The following APP variants were observed in gnomAD, a reference collection of about 807,000 sequenced individuals.
APP encodes amyloid-beta precursor protein.
In APP, 31 loss-of-function variants were observed where a neutral mutation model predicts 101.4. The observed-to-expected ratio is 0.31, with a 90% CI of 0.23 to 0.41. The LOEUF is 0.41. Ranked by LOEUF, APP falls within the 10% of genes least tolerant of loss-of-function variation. The pLI is 1.00. For synonymous variants in APP, 366 were observed against 364.4 expected, an observed-to-expected ratio of 1.00 and a Z score of -0.05; for missense variants, 839 against 1,003.7, an observed-to-expected ratio of 0.84 and a Z score of 2.22.
chr21:26,082,638 C>A (rs757094717), intron 3 of APP, among the ~76,000 whole-genome samples: 1 of 152,146 alleles, frequency 6.6e-6, no homozygotes, highest in African/African-American at 2.4e-5. Flanking sequence ...GACCCTCTGT[C>A]TGAATACCTA....
At chr21:25,933,424 T>C (rs1164634418) in intron 13 of APP, among the ~76,000 whole-genome samples, 5 of 152,224 alleles carry the variant, frequency 3.3e-5, no homozygotes, top group Admixed American at 2.6e-4. Flanking sequence ...CGCTAGAAAC[T>C]TTCAAATTAG....
chr21:26,016,948 GGGCGGGGGGT>G (rs2044106111), intron 6 of APP, among the ~76,000 whole-genome samples: 8 of 21,264 alleles, frequency 3.8e-4, no homozygotes, highest in African/African-American at 8.9e-4. Flanking sequence ...GGGGGGCGGG[GGGCGGGGGGT>G]GCCGCCAAGG....
intron 6 of APP, 99 bp from the exon 7 acceptor site, chr21:26,000,281 A>G: frequency 6.8e-7 from 1 of 1,467,026 alleles, no homozygotes; most frequent in Non-Finnish European, 9.4e-7. Flanking sequence ...CCCAGTGGCA[A>G]CCTGGACTGG....
rs79392524 is a variant in APP, at chr21:25,913,531, T to C, written c.1688-1569A>G. Among the ~76,000 whole-genome samples the C allele has an allele frequency of 9.4e-4, 143 of 152,340 alleles. 1 individual carries two copies. In the East Asian group the frequency reaches 0.024, roughly 25 times the overall value. ...TGAGCATTTCTTTTATATAAATCTT[T>C]TGCTTGTGACTGTTAAGCACTTACT... On this transcript the variant is annotated intron_variant, in intron 13 of 17. Transcript: ENST00000346798.
rs45484196 is a variant in APP, at chr21:26,053,185, G to A, written c.468+51C>T. On this transcript the variant is annotated intron_variant, in intron 4 of 17. Coordinates refer to ENST00000346798, the MANE Select transcript of APP (RefSeq NM_000484.4). The stretch of plus-strand genomic sequence containing the variant: ...ATACCCCTAAAATGCCATTAAGCAC[G>A]TCCCCAGGAAATCTTCACTTTGCAA... 7,849 of 1,349,534 alleles carry A rather than the reference G, an allele frequency of 5.8e-3. 41 individuals carry two copies. The highest frequency in any genetic ancestry group is 7.5e-3 in the Non-Finnish European group (7,043 of 939,258). 83.6% of individuals were successfully genotyped at this position (1,349,534 alleles called of 1,614,324 possible).
intron 11 of APP, among the ~76,000 whole-genome samples, chr21:25,959,173 G>A (rs1389038468): frequency 6.6e-6 from 1 of 152,208 alleles, no homozygotes; most frequent in Admixed American, 6.5e-5. Context: ...CGTGGCTCAC[G>A]CCTGTAATCC....
intron 15 of APP, 30 bp from the exon 16 acceptor site, chr21:25,897,703 G>A (rs200545918): frequency 1.2e-5 from 18 of 1,555,076 alleles, no homozygotes; most frequent in Non-Finnish European, 1.6e-5. Flanking sequence ...AAGTATGCAG[G>A]ACAACCAATT....
chr21:25,900,987 CAAAAAA>C lies in APP; in HGVS notation c.1964-3320_1964-3315del, dbSNP rs71183520. Among the ~76,000 whole-genome samples the C allele has an allele frequency of 3.1e-4, 37 of 118,566 alleles. 1 individual carries two copies. Among genetic ancestry groups the C allele is most frequent in the African/African-American group, 9.9e-4 (21 of 21,292 alleles). The allele number at this position is 118,566 out of a possible 152,430, so 77.8% of individuals were successfully genotyped here. The stretch of plus-strand genomic sequence containing the variant: ...TGGGCGACAGAGTGAGACTCCATCT[CAAAAAA>C]AAAAAAAAAAAGAATGAGCTCTCGG... On this transcript the variant is annotated intron_variant, in intron 15 of 17. Transcript: ENST00000346798.
At chr21:25,906,837 C>T (rs535071461) in intron 14 of APP, among the ~76,000 whole-genome samples, 27 of 151,880 alleles carry the variant, frequency 1.8e-4, no homozygotes, top group African/African-American at 6.3e-4. Context: ...AGGGCAAACG[C>T]GTACCTTGAA....
chr21:26,101,095 C>CTTTTTTTTTTT (rs35407047), intron 2 of APP, among the ~76,000 whole-genome samples: 2 of 79,316 alleles, frequency 2.5e-5, no homozygotes, highest in Admixed American at 1.8e-4. Context: ...TTTTTTTTTC[C>CTTTTTTTTTTT]TTTTTTTTTT....
intron 8 of APP, among the ~76,000 whole-genome samples, chr21:25,986,062 T>C (rs1263558477): frequency 6.6e-6 from 1 of 152,186 alleles, no homozygotes; most frequent in South Asian, 2.1e-4. Flanking sequence ...TATCCTTATA[T>C]CCTAAAGAGA....
At chr21:26,058,847 C>T (rs959561194) in intron 3 of APP, among the ~76,000 whole-genome samples, 12 of 152,046 alleles carry the variant, frequency 7.9e-5, no homozygotes, top group Non-Finnish European at 1.5e-4. Context: ...TTTGGGAGGC[C>T]GAGGCGGGCG....
At chr21:26,138,924 T>C (rs530122870) in intron 1 of APP, among the ~76,000 whole-genome samples, 1 of 152,322 alleles carries the variant, frequency 6.6e-6, no homozygotes, top group South Asian at 2.1e-4. Flanking sequence ...TTCGATATTA[T>C]TGTCTACTTT....
chr21:25,974,778 C>A (rs1463610311), intron 11 of APP, among the ~76,000 whole-genome samples: 1 of 152,140 alleles, frequency 6.6e-6, no homozygotes, highest in Non-Finnish European at 1.5e-5. Context: ...TCAATTGTCA[C>A]CACCTCAGGA....
chr21:26,098,181 A>G (rs1601453530), intron 2 of APP, among the ~76,000 whole-genome samples: 1 of 148,318 alleles, frequency 6.7e-6, no homozygotes, highest in South Asian at 2.1e-4. Flanking sequence ...TATTATATTA[A>G]TATTTTTATA....
At chr21:25,937,519 A>G (rs2040408786) in intron 13 of APP, among the ~76,000 whole-genome samples, 1 of 152,160 alleles carries the variant, frequency 6.6e-6, no homozygotes, top group African/African-American at 2.4e-5. Flanking sequence ...CATTTTGTCA[A>G]TTTTCCCTTT....
intron 3 of APP, among the ~76,000 whole-genome samples, chr21:26,076,879 C>T (rs538266678): frequency 1.2e-4 from 18 of 152,026 alleles, no homozygotes; most frequent in Non-Finnish European, 2.4e-4. Flanking sequence ...CTGGCTAACA[C>T]GATGAAACCC....
At chr21:25,903,479 G>A (rs193105491) in intron 15 of APP, among the ~76,000 whole-genome samples, 2 of 152,112 alleles carry the variant, frequency 1.3e-5, no homozygotes, top group Admixed American at 1.3e-4. Flanking sequence ...GGCTCTCCTG[G>A]CCCAATGTAG....
At chr21:26,080,664 G>C (rs999078888) in intron 3 of APP, among the ~76,000 whole-genome samples, 1 of 151,658 alleles carries the variant, frequency 6.6e-6, no homozygotes, top group Admixed American at 6.6e-5. Context: ...CCAGCTACTC[G>C]GTAGGCTGAG....
Sources: gnomAD v4.1 joint callset for allele counts (sites outside exome capture counted in the v4.1 genomes callset) on GRCh38, gnomAD v4.1.1 for gene constraint, MANE v1.5 for transcripts, NCBI Gene and HGNC (gene_info 2026-07-23, HGNC 2026-07-21) for gene names.